TTN: variants seen among roughly 807,000 people sequenced by gnomAD.
TTN encodes titin.
TTN carries 1,525 observed loss-of-function variants against 3,223.0 expected under a neutral mutation model. The observed-to-expected ratio is 0.47, with a 90% CI of 0.45 to 0.49. TTN has a LOEUF of 0.49. TTN is among the 20% of genes least tolerant of loss of function. The pLI, the probability that TTN is intolerant of heterozygous loss-of-function variation, is 0.00. For missense variants in TTN, 40,786 were observed against 43,424.0 expected (o/e 0.94, Z 5.40); for synonymous variants, 14,094 against 15,161.0 (o/e 0.93, Z 5.17).
At position 178,563,166 on chromosome 2, in the gene TTN, C is replaced by T. The variant is rs1001344341; in HGVS notation, c.82966G>A (p.Glu27656Lys). Reference protein sequence around the residue: ...ICAINSEGVGEPATLPGSVVA... With the variant: ...ICAINSEGVGKPATLPGSVVA... ...ACTGAGCCAGGTAGAGTTGCAGGTTCACCTACACCTTCAGAATTGATGGCA... is the reference window on the plus strand; with the variant it reads ...ACTGAGCCAGGTAGAGTTGCAGGTTTACCTACACCTTCAGAATTGATGGCA... Residue 27656 changes from glutamate (E) to lysine (K), a missense_variant, in exon 326 of 363, where the codon GAA becomes AAA. By Grantham distance (56) the Glu-to-Lys change is moderately conservative. Transcript: ENST00000589042. The surrounding 1 kb of genome is among the most constrained non-coding windows in gnomAD (Gnocchi z 4.5). The T allele has an allele frequency of 1.9e-6, 3 of 1,613,746 alleles. No individual in the cohort carries two copies. The highest frequency in any genetic ancestry group is 2.5e-6 in the Non-Finnish European group (3 of 1,179,738).
chr2:178,542,827 CAAAGAACCAGG>C lies in TTN; in HGVS notation c.97016_97026del (p.Ser32339CysfsTer4), dbSNP rs769807292. ...TCTGATTCTCTCAGTTTAGAACCAG[CAAAGAACCAGG>C]AAGCAGCAGGAGGTGGACGGCCAGC... On this transcript the variant is annotated frameshift_variant, in exon 348 of 363. Coordinates refer to ENST00000589042, the MANE Select transcript of TTN (RefSeq NM_001267550.2). LOFTEE classifies it high-confidence loss of function. 1 of 1,613,718 alleles carries C rather than the reference CAAAGAACCAGG, an allele frequency of 6.2e-7. No homozygotes were observed. The highest frequency in any genetic ancestry group is 8.5e-7 in the Non-Finnish European group (1 of 1,179,754).
chr2:178,671,244 C>T (rs1481911234), intron 155 of TTN, 74 bp from the exon 156 acceptor site: 1 of 1,019,936 alleles, frequency 9.8e-7, no homozygotes. Flanking sequence ...AACGTTAGTA[C>T]AATGAGGGGT....
Position 178,533,309 on chromosome 2 carries a change from C to T in TTN, c.103306G>A (p.Val34436Ile), listed in dbSNP as rs770266280. 6.2e-7 allele frequency: 1 copy of T among 1,613,914 alleles called. No individual in the cohort carries two copies. The highest frequency in any genetic ancestry group is 8.5e-7 in the Non-Finnish European group (1 of 1,179,870). ...TLPEDTGYYRVTATNTAGSTS... is the reference protein window; with the variant it reads ...TLPEDTGYYRITATNTAGSTS... ...GACCCAGCTGTGTTAGTGGCTGTGA[C>T]TCTATAATAACCCGTGTCTTCAGGC... The change falls in exon 358 of 363, where the codon GTC (valine) becomes ATC (isoleucine). Residue 34436 changes from valine (V) to isoleucine (I), a missense_variant. Val to Ile is a conservative substitution (Grantham distance 29). Transcript: ENST00000589042.
chr2:178,600,400 G>GAAT (rs1326671720), intron 288 of TTN: 2 of 138,336 alleles, frequency 1.4e-5, no homozygotes, highest in Non-Finnish European at 3.1e-5. Context: ...ATCAGAGGAA[G>GAAT]AATTATTACC....
chr2:178,666,622 CTAAAGG>C (rs1417087454), intron 163 of TTN, among the ~76,000 whole-genome samples, 196 bp downstream of exon 163: 56 of 152,226 alleles, frequency 3.7e-4, no homozygotes, highest in African/African-American at 1.2e-3. Flanking sequence ...TGTGTATAAG[CTAAAGG>C]TATTTTTTCC....
In TTN at chr2:178,744,149, T is replaced by C. The variant is rs540073658; in HGVS notation, c.11312-2228A>G. ...TTTACATTTCTAATTAAAATTAGCATTTTAAATATGATAATGGTACTTAAA... is the reference window on the plus strand; with the variant it reads ...TTTACATTTCTAATTAAAATTAGCACTTTAAATATGATAATGGTACTTAAA... On this transcript the variant is annotated intron_variant, in intron 47 of 362. Transcript: ENST00000589042. 1.0e-3 allele frequency among the ~76,000 whole-genome samples: 156 copies of C among 152,090 alleles called. 1 individual carries two copies. The highest frequency in any genetic ancestry group is 3.6e-3 in the African/African-American group (150 of 41,550).
rs1337938958 is a variant in TTN at position 178,562,930 on chromosome 2, A to G, written c.83202T>C (p.Asp27734=). The G allele has an allele frequency of 1.9e-6, 3 of 1,613,654 alleles. No individual in the cohort carries two copies. The highest frequency in any genetic ancestry group is 1.7e-6 in the Non-Finnish European group (2 of 1,179,744). Residue 27734 remains aspartate (D), a synonymous_variant, in exon 326 of 363, where the codon GAT becomes GAC. Coordinates refer to ENST00000589042, the MANE Select transcript of TTN (RefSeq NM_001267550.2). ...VTSSFTMLVI[D]NVTRFDSGRY... ...GACCACTGTCAAATCTGGTAACATT[A>G]TCAATCACCAACATTGTAAATGAGC... is the stretch of plus-strand genomic sequence containing the variant.
At chr2:178,701,486 T>A in intron 110 of TTN, 42 bp downstream of exon 110, 1 of 1,592,172 alleles carries the variant, frequency 6.3e-7, no homozygotes, top group Non-Finnish European at 8.6e-7. Context: ...AGTGCTAGAA[T>A]ATTGCTGCTC....
At position 178,538,698 on chromosome 2, in the gene TTN, G is replaced by C; in HGVS notation, c.99131C>G (p.Ala33044Gly). ...WVEYRQSGDS[A>G]WKKSNKERIK... is the part of the protein sequence containing the mutation. ...ACGTTCCTTATTGCTCTTCTTCCAGGCACTGTCTCCAGACTGTCTATATTC... is the reference window on the plus strand; with the variant it reads ...ACGTTCCTTATTGCTCTTCTTCCAGCCACTGTCTCCAGACTGTCTATATTC... Residue 33044 changes from alanine (A) to glycine (G), a missense_variant, in exon 354 of 363, where the codon GCC becomes GGC. Coordinates refer to ENST00000589042, the MANE Select transcript of TTN (RefSeq NM_001267550.2). 1 of 1,613,594 alleles carries C rather than the reference G, an allele frequency of 6.2e-7. No homozygotes were observed. The highest frequency in any genetic ancestry group is 8.5e-7 in the Non-Finnish European group (1 of 1,179,716).
chr2:178,800,799 C>G, intron 3 of TTN, 117 bp from the exon 4 acceptor site: 2 of 1,134,238 alleles, frequency 1.8e-6, no homozygotes, highest in South Asian at 1.7e-5. Context: ...ATCTAAACAT[C>G]CTTGAATGTC....
Position 178,586,641 on chromosome 2 carries a change from C to T in TTN, c.64260G>A (p.Val21420=), listed in dbSNP as rs1283678365. The T allele has an allele frequency of 6.2e-7, 1 of 1,612,958 alleles. No individual in the cohort carries two copies. The highest frequency in any genetic ancestry group is 8.5e-7 in the Non-Finnish European group (1 of 1,179,388). The change falls in exon 308 of 363, where the codon GTG becomes GTA. Residue 21420 remains valine, a synonymous_variant. Coordinates refer to ENST00000589042, the MANE Select transcript of TTN (RefSeq NM_001267550.2). Reference sequence around the variant, plus strand: ...TGACAACAAGGCTCAGATCTTTTACCACTGAGTACTCTGTCCAGCGATCTG... The same window carrying T: ...TGACAACAAGGCTCAGATCTTTTACTACTGAGTACTCTGTCCAGCGATCTG... The part of the protein sequence containing the change: ...QPADRWTEYS[V]VKDLSLVVTG...
intron 17 of TTN, 99 bp downstream of exon 17, chr2:178,783,621 A>G: frequency 9.0e-7 from 1 of 1,115,160 alleles, no homozygotes; most frequent in African/African-American, 1.5e-5. Context: ...CACTAATGTC[A>G]TTTTTGTATT....
intron 163 of TTN, 99 bp from the exon 164 acceptor site, chr2:178,665,890 T>TC: frequency 2.0e-6 from 1 of 508,716 alleles, no homozygotes; most frequent in Non-Finnish European, 3.0e-6. Context: ...GGGAACCTTC[T>TC]CCCACTCCCC....
rs1188932965 is a variant in TTN at position 178,578,324 on chromosome 2, A to G, written c.68330-139T>C. 1.7e-5 allele frequency: 14 copies of G among 827,856 alleles called. No individual in the cohort carries two copies. In the East Asian group the frequency reaches 3.2e-4, roughly 19 times the overall value. 51.3% of individuals were successfully genotyped at this position (827,856 alleles called of 1,614,324 possible). A position where few individuals can be genotyped will look rare whatever the true frequency, so the allele number is the denominator to read the frequency against. On this transcript the variant is annotated intron_variant, in intron 321 of 362. Coordinates refer to ENST00000589042, the MANE Select transcript of TTN (RefSeq NM_001267550.2). ...GCTAGTATCTATACTTTTATTACCC[A>G]AGCATAGTGCCATTTTTTTTTTCCT...
rs902372912 is a variant in TTN, at chr2:178,565,986, T to C, written c.80146A>G (p.Lys26716Glu). Residue 26716 changes from lysine to glutamate, a missense_variant, in exon 326 of 363, where the codon AAG becomes GAG. Coordinates refer to ENST00000589042, the MANE Select transcript of TTN (RefSeq NM_001267550.2). ...PPIIDGGAKV[K>E]NYVIDKREST... ...TCACGTTTGTCAATCACATAGTTCT[T>C]GACCTTTGCCCCTCCATCAATGATG... 14 of 1,613,628 alleles carry C rather than the reference T, an allele frequency of 8.7e-6. No individual in the cohort carries two copies. Among genetic ancestry groups the C allele is most frequent in the Non-Finnish European group, 1.2e-5 (14 of 1,179,654 alleles).
In TTN at chr2:178,588,517, GA is replaced by G; in HGVS notation, c.63187+20del. On this transcript the variant is annotated intron_variant, in intron 304 of 362. Transcript: ENST00000589042. ...GAGATTAAGAGTTGCTGTAATATCA[GA>G]AAAAACAAGGACATCCTACCTATGG... The G allele has an allele frequency of 6.6e-7, 1 of 1,508,792 alleles. No individual in the cohort carries two copies. The highest frequency in any genetic ancestry group is 8.8e-7 in the Non-Finnish European group (1 of 1,131,972). 93.5% of individuals were successfully genotyped at this position (1,508,792 alleles called of 1,614,324 possible). A position where few individuals can be genotyped will look rare whatever the true frequency, so the allele number is the denominator to read the frequency against.
Position 178,721,004 on chromosome 2 carries a change from C to T in TTN, c.23015G>A (p.Ser7672Asn). 1 of 1,613,288 alleles carries T rather than the reference C, an allele frequency of 6.2e-7. No homozygotes were observed. The highest frequency in any genetic ancestry group is 8.5e-7 in the Non-Finnish European group (1 of 1,179,350). Residue 7672 changes from serine to asparagine, a missense_variant, in exon 79 of 363, where the codon AGT becomes AAT. Ser to Asn is a conservative substitution (Grantham distance 46). Coordinates refer to ENST00000589042, the MANE Select transcript of TTN (RefSeq NM_001267550.2). Reference protein sequence around the residue: ...SVALLTINEASAEDSGDYICE... With the variant: ...SVALLTINEANAEDSGDYICE... ...AATGTAGTCCCCGCTGTCTTCAGCA[C>T]TAGCTTCATTGATCGTAAGCAATGC...
In TTN at chr2:178,719,933, T is replaced by C. The variant is rs370664790; in HGVS notation, c.23659+50A>G. On this transcript the variant is annotated intron_variant, in intron 81 of 362. Coordinates refer to ENST00000589042, the MANE Select transcript of TTN (RefSeq NM_001267550.2). ...TAAGAGGAATATTTGAGGAAAATGATCATGGATCAAGTAAATTGATTTTTT... is the reference window on the plus strand; with the variant it reads ...TAAGAGGAATATTTGAGGAAAATGACCATGGATCAAGTAAATTGATTTTTT... 1.9e-4 allele frequency: 293 copies of C among 1,545,652 alleles called. 3 individuals carry two copies. The Middle Eastern group carries it at 3.3e-3, about 17-fold the overall frequency.
rs1032020627 is a variant in TTN, at chr2:178,617,474, G to C, written c.47611C>G (p.Gln15871Glu). 2.8e-5 allele frequency: 45 copies of C among 1,595,396 alleles called. 1 individual carries two copies. In the East Asian group the frequency reaches 9.9e-4, roughly 35 times the overall value. ...TTGAGCTGAACTGATGACTGAGTCT[G>C]ATCTGAGGAAGTTAGGTTTACAGGA... is the stretch of plus-strand genomic sequence containing the variant. ...SPPVNLTSSD[Q>E]TQSSVQLKWE... The change falls in exon 254 of 363, where the codon CAG becomes GAG. Residue 15871 changes from glutamine to glutamate, a missense_variant. Transcript: ENST00000589042.
Sources: allele counts gnomAD v4.1 joint callset (sites outside exome capture counted in the v4.1 genomes callset), GRCh38; gene constraint gnomAD v4.1.1; non-coding constraint Gnocchi (gnomAD v3.1); transcripts MANE v1.5; gene names NCBI Gene and HGNC (gene_info 2026-07-23, HGNC 2026-07-21).